Variants in TTC19 observed in about 807,000 individuals in gnomAD.
TTC19 encodes tetratricopeptide repeat domain 19.
TTC19 carries 38 observed loss-of-function variants against 49.5 expected under a neutral mutation model. The observed-to-expected ratio is 0.77, with a 90% CI of 0.59 to 1.01. TTC19 has a LOEUF of 1.01. Ranked by LOEUF, TTC19 falls within the 50% of genes least tolerant of loss-of-function variation. The probability of loss-of-function intolerance (pLI) is 0.00; values close to 1 mark genes in which losing one functional copy is unlikely to be tolerated. For synonymous variants in TTC19, 204 were observed against 185.2 expected (o/e 1.10, Z -0.83); for missense variants, 475 against 477.7 (o/e 0.99, Z 0.05).
intron 9 of TTC19, 38 bp from the exon 10 acceptor site, chr17:16,027,336 C>CT (rs1355715421): frequency 1.2e-6 from 2 of 1,611,810 alleles, no homozygotes; most frequent in Non-Finnish European, 1.7e-6. Flanking sequence ...AAAACATACA[C>CT]TTTCTTCTTA....
intron 2 of TTC19, chr17:16,040,445 C>T (rs367942124): frequency 1.6e-5 from 26 of 1,613,368 alleles, no homozygotes; most frequent in African/African-American, 1.2e-4. Flanking sequence ...TCTTACCTGA[C>T]GTAGTAACTG....
downstream of TTC19, chr17:16,032,232 A>G: frequency 6.8e-7 from 1 of 1,464,282 alleles, no homozygotes; most frequent in Non-Finnish European, 9.0e-7. Context: ...ACCTGCTACT[A>G]AAAATTAAAC....
At chr17:16,019,225 C>A (rs1180211041) in intron 7 of TTC19, among the ~76,000 whole-genome samples, 1 of 152,082 alleles carries the variant, frequency 6.6e-6, no homozygotes, top group African/African-American at 2.4e-5. Context: ...CCCCACTACT[C>A]GGGAGGCTGA....
At chr17:16,033,785 TG>T (rs112550586), downstream of TTC19, among the ~76,000 whole-genome samples, 8 of 152,274 alleles carry the variant, frequency 5.3e-5, no homozygotes, top group African/African-American at 1.9e-4. Flanking sequence ...GTAAATGTAG[TG>T]AACGTACAGA....
At chr17:16,027,266 T>TA (rs1971592522) in intron 9 of TTC19, 108 bp from the exon 10 acceptor site, 6 of 1,336,694 alleles carry the variant, frequency 4.5e-6, no homozygotes, top group Non-Finnish European at 6.3e-6. Flanking sequence ...TGTCGCTTCA[T>TA]AAGCACACAG....
chr17:16,035,862 A>C (rs1308733218), intron 2 of TTC19, among the ~76,000 whole-genome samples: 2 of 151,510 alleles, frequency 1.3e-5, no homozygotes, highest in Non-Finnish European at 2.9e-5. Context: ...TTTCTCCTAC[A>C]CCTGCAGTGA....
Position 16,035,886 on chromosome 17 carries a change from C to T in TTC19, c.248-8617C>T, listed in dbSNP as rs150044867. ...CACCTGCAGTGACTCCCTCCACTGA[C>T]GTCTTGATCCCCTCCCAAGTTATCC... On this transcript the variant is annotated intron_variant, in intron 2 of 2. Transcript: ENST00000470649. 1.2e-4 allele frequency among the ~76,000 whole-genome samples: 18 copies of T among 152,220 alleles called. No individual in the cohort carries two copies. The East Asian group carries it at 2.9e-3, about 24-fold the overall frequency.
rs111590848 is a variant in TTC19, at chr17:16,044,615, C to T, written c.*60C>T. On this transcript the variant is annotated 3_prime_UTR_variant, in exon 3 of 3. Coordinates refer to the TTC19 transcript ENST00000470649. ...CGGCAGCGCCAGCCCCACACTTGCCCATACCATGTCCTCTGTCTCCGAGCT... is the reference window on the plus strand; with the variant it reads ...CGGCAGCGCCAGCCCCACACTTGCCTATACCATGTCCTCTGTCTCCGAGCT... 1,367 of 599,748 alleles carry T rather than the reference C, an allele frequency of 2.3e-3. 18 individuals are homozygous for T. In the African/African-American group the frequency reaches 0.024, roughly 10 times the overall value. The allele number at this position is 599,748 out of a possible 1,614,324, so 37.2% of individuals were successfully genotyped here. A position where few individuals can be genotyped will look rare whatever the true frequency, so the allele number is the denominator to read the frequency against.
chr17:16,042,240 G>A (rs765173911), intron 2 of TTC19, among the ~76,000 whole-genome samples: 1 of 152,186 alleles, frequency 6.6e-6, no homozygotes, highest in Non-Finnish European at 1.5e-5. Context: ...AGGTGACAAG[G>A]TAAATAAATT....
chr17:16,041,634 C>T (rs1385647310), intron 2 of TTC19, among the ~76,000 whole-genome samples: 3 of 151,672 alleles, frequency 2.0e-5, no homozygotes, highest in Non-Finnish European at 4.4e-5. Context: ...AGGCTGGTCT[C>T]GAACTCCTGA....
chr17:16,008,691 A>G (rs1383245814), intron 7 of TTC19, among the ~76,000 whole-genome samples: 2 of 152,088 alleles, frequency 1.3e-5, no homozygotes, highest in African/African-American at 4.8e-5. Flanking sequence ...TTATTCTGGC[A>G]CATTCCAAGC....
chr17:16,006,218 T>C (rs1371646029), intron 6 of TTC19, among the ~76,000 whole-genome samples: 1 of 152,206 alleles, frequency 6.6e-6, no homozygotes, highest in African/African-American at 2.4e-5. Context: ...CAGACCAGCC[T>C]GGCCAACATG....
At position 16,023,649 on chromosome 17, in the gene TTC19, A is replaced by G. The variant is rs566429544; in HGVS notation, c.677-1368A>G. ...TTCAGAAATAGACGAGTCTGATGAT[A>G]CAGACGATTCTGGTGTTAGTTCTCT... On this transcript the variant is annotated intron_variant, in intron 7 of 9. Coordinates refer to ENST00000261647, the MANE Select transcript of TTC19 (RefSeq NM_017775.4). The G allele has an allele frequency of 2.0e-5, 3 of 152,374 alleles. No homozygotes were observed. The East Asian group carries it at 5.8e-4, about 29-fold the overall frequency. 9.4% of individuals were successfully genotyped at this position (152,374 alleles called of 1,614,324 possible). A position where few individuals can be genotyped will look rare whatever the true frequency, so the allele number is the denominator to read the frequency against.
At chr17:16,030,690 G>A (rs1971836774), downstream of TTC19, 1 of 180,028 alleles carries the variant, frequency 5.6e-6, no homozygotes, top group Non-Finnish European at 1.2e-5. Context: ...ACAGGGACAG[G>A]AGTGAAAGCT....
intron 4 of TTC19, among the ~76,000 whole-genome samples, chr17:16,003,111 C>T (rs916778080): frequency 3.9e-5 from 6 of 152,176 alleles, no homozygotes; most frequent in Non-Finnish European, 8.8e-5. Flanking sequence ...CTCCAGTCTG[C>T]AGGAAGGGGG....
intron 7 of TTC19, among the ~76,000 whole-genome samples, chr17:16,014,060 T>A (rs1322230158): frequency 6.6e-6 from 1 of 152,186 alleles, no homozygotes; most frequent in Non-Finnish European, 1.5e-5. Flanking sequence ...ATTGGCTTTT[T>A]CCCCATGCTC....
intron 2 of TTC19, among the ~76,000 whole-genome samples, chr17:16,037,295 G>C (rs2056601422): frequency 6.6e-6 from 1 of 152,068 alleles, no homozygotes; most frequent in African/African-American, 2.4e-5. Context: ...TCATGAACAA[G>C]TTTGAAATAT....
chr17:16,002,087 TA>T (rs1490385476), intron 3 of TTC19, 62 bp downstream of exon 3: 5 of 1,091,194 alleles, frequency 4.6e-6, no homozygotes, highest in Admixed American at 1.7e-5. Context: ...GAAGGGTAGT[TA>T]GTTCTTCTGA....
intron 2 of TTC19, chr17:16,039,396 GA>G (rs2151979944): frequency 6.3e-7 from 1 of 1,590,498 alleles, no homozygotes; most frequent in Non-Finnish European, 8.6e-7. Context: ...CTTTTTTGGG[GA>G]AAAGCAGCAG....
Sources: allele counts gnomAD v4.1 joint callset (sites outside exome capture counted in the v4.1 genomes callset), GRCh38; gene constraint gnomAD v4.1.1; transcripts MANE v1.5; gene names NCBI Gene and HGNC (gene_info 2026-07-23, HGNC 2026-07-21).